The following NOTCH1 variants were observed in gnomAD, a reference collection of about 807,000 sequenced individuals.
NOTCH1 encodes the protein notch receptor 1.
In NOTCH1, 37 loss-of-function variants were observed where a neutral mutation model predicts 254.8. The ratio of observed to expected loss-of-function variants is 0.15; its 90% CI spans 0.11 to 0.19. The LOEUF (loss-of-function observed/expected upper bound fraction) is 0.19, where lower values mean the gene tolerates loss of function less well. Among genes scored for constraint, NOTCH1 ranks in the 10% least tolerant of loss-of-function variants. The probability of loss-of-function intolerance (pLI) is 1.00; values close to 1 mark genes in which losing one functional copy is unlikely to be tolerated. For missense variants in NOTCH1, 2,972 were observed against 3,708.6 expected (o/e 0.80, Z 5.16); for synonymous variants, 1,731 against 1,618.1 (o/e 1.07, Z -1.68).
At position 136,510,600 on chromosome 9, in the gene NOTCH1, G is replaced by A. The variant is rs1316669094; in HGVS notation, c.2740+53C>T. ...CCATGCGCACCAACCCTGCCCGGGGGAACTGAGGCCTGAGAGCTTCCTGGA... is the reference window on the plus strand; with the variant it reads ...CCATGCGCACCAACCCTGCCCGGGGAAACTGAGGCCTGAGAGCTTCCTGGA... On this transcript the variant is annotated intron_variant, in intron 17 of 33. Coordinates refer to ENST00000651671, the MANE Select transcript of NOTCH1 (RefSeq NM_017617.5). 1.4e-5 allele frequency: 22 copies of A among 1,574,474 alleles called. No homozygotes were observed. In the Admixed American group the frequency reaches 3.7e-4, roughly 27 times the overall value.
intron 2 of NOTCH1, among the ~76,000 whole-genome samples, chr9:136,528,887 T>C (rs1477606794): frequency 6.6e-6 from 1 of 152,122 alleles, no homozygotes; most frequent in Non-Finnish European, 1.5e-5. Context: ...AGGGAGCCCG[T>C]GGCCACGTCC....
chr9:136,503,317 G>C lies in NOTCH1; in HGVS notation c.5032C>G (p.Leu1678Val), dbSNP rs932485586. ...ACACACTGCCGGTTGTCAATCTCCA[G>C]GTAGACGATGGAGCTGGGCGGACAA... ...PMDVRGSIVYLEIDNRQCVQA... is the reference protein window; with the variant it reads ...PMDVRGSIVYVEIDNRQCVQA... The change falls in exon 27 of 34, where the codon CTG becomes GTG. Residue 1678 changes from leucine to valine, a missense_variant. Physicochemically the swap from Leu to Val is conservative, Grantham distance 32 (BLOSUM62 1). This residue lies in a region of NOTCH1 where 1,343 missense variants were observed against 1,557.0 expected (regional missense o/e 0.86). Coordinates refer to ENST00000651671, the MANE Select transcript of NOTCH1 (RefSeq NM_017617.5). 2 of 1,612,842 alleles carry C rather than the reference G, an allele frequency of 1.2e-6. No individual in the cohort carries two copies. The highest frequency in any genetic ancestry group is 2.2e-5 in the East Asian group (1 of 44,886).
chr9:136,501,940 G>A (rs1216814612), intron 29 of NOTCH1, 27 bp from the exon 30 acceptor site: 2 of 1,611,526 alleles, frequency 1.2e-6, no homozygotes, highest in Non-Finnish European at 1.7e-6. Flanking sequence ...AGCAGAGCCT[G>A]TCAGGGCAGC....
At chr9:136,521,151 G>A (rs547679648) in intron 4 of NOTCH1, among the ~76,000 whole-genome samples, 23 of 152,278 alleles carry the variant, frequency 1.5e-4, no homozygotes, top group African/African-American at 5.1e-4. Flanking sequence ...AGGGGCCGCC[G>A]GGGACAGTCT....
rs1017787746 is a variant in NOTCH1, at chr9:136,515,673, G to A, written c.1713C>T (p.Asp571=). ...THCEVDIDEC[D]PDPCHYGSCK... ...AGGAGCCGTAGTGGCAGGGGTCGGG[G>A]TCGCACTCATCGATGTCCACCTCGC... The change falls in exon 11 of 34, where the codon GAC becomes GAT. Residue 571 remains aspartate, a synonymous_variant. Coordinates refer to ENST00000651671, the MANE Select transcript of NOTCH1 (RefSeq NM_017617.5). 6 of 1,566,064 alleles carry A rather than the reference G, an allele frequency of 3.8e-6. No homozygotes were observed. Among genetic ancestry groups the A allele is most frequent in the Non-Finnish European group, 5.2e-6 (6 of 1,160,966 alleles).
intron 2 of NOTCH1, among the ~76,000 whole-genome samples, chr9:136,537,034 TGAGCAGGAC>T (rs1323879008): frequency 2.6e-5 from 4 of 152,204 alleles, no homozygotes; most frequent in African/African-American, 9.7e-5. Context: ...CTCGGAGTCC[TGAGCAGGAC>T]AGGGGCCGCG....
chr9:136,503,362 CG>C, intron 26 of NOTCH1, 32 bp from the exon 27 acceptor site: 1 of 1,612,004 alleles, frequency 6.2e-7, no homozygotes, highest in South Asian at 1.1e-5. Context: ...GGCTGGGACC[CG>C]AGGCTTCCTC....
Position 136,500,918 on chromosome 9 carries a change from G to A in NOTCH1, c.5639-71C>T, listed in dbSNP as rs970495515. The A allele has an allele frequency of 2.7e-6, 4 of 1,492,452 alleles. No homozygotes were observed. The Admixed American group carries it at 6.1e-5, about 23-fold the overall frequency. 92.5% of individuals were successfully genotyped at this position (1,492,452 alleles called of 1,614,324 possible). ...GCTGCAGCCCAGGGGGAGGGGGGCA[G>A]CAGCCCCAAGCTCAAGGGGCCACGG... On this transcript the variant is annotated intron_variant, in intron 30 of 33. Transcript: ENST00000651671.
intron 2 of NOTCH1, among the ~76,000 whole-genome samples, chr9:136,532,143 G>A (rs772828055): frequency 1.3e-5 from 2 of 152,180 alleles, no homozygotes; most frequent in Non-Finnish European, 2.9e-5. Context: ...CATAAGGAGG[G>A]GCACCTGGGG....
chr9:136,538,909 G>A (rs1005093981), intron 2 of NOTCH1, among the ~76,000 whole-genome samples: 39 of 152,256 alleles, frequency 2.6e-4, no homozygotes, highest in African/African-American at 8.4e-4. Context: ...ACTATTTATA[G>A]ACGAGACATG....
chr9:136,498,135 A>T (rs1842945441), intron 33 of NOTCH1, among the ~76,000 whole-genome samples: 1 of 151,478 alleles, frequency 6.6e-6, no homozygotes, highest in South Asian at 2.1e-4. Context: ...CGGACTGGGG[A>T]GCGCCTGGGC....
intron 15 of NOTCH1, among the ~76,000 whole-genome samples, chr9:136,512,423 T>TTAG (rs1843195876): frequency 6.6e-6 from 1 of 152,170 alleles, no homozygotes; most frequent in Non-Finnish European, 1.5e-5. Flanking sequence ...TTCTTTGTCT[T>TTAG]TTCTAGAGGA....
rs1362593643 is a variant in NOTCH1, at chr9:136,505,898, A to G, written c.4015-17T>C. 1 of 1,576,390 alleles carries G rather than the reference A, an allele frequency of 6.3e-7. No homozygotes were observed. The highest frequency in any genetic ancestry group is 1.3e-5 in the African/African-American group (1 of 74,608). On this transcript the variant is annotated splice_polypyrimidine_tract_variant and intron_variant, in intron 24 of 33. Coordinates refer to ENST00000651671, the MANE Select transcript of NOTCH1 (RefSeq NM_017617.5). The stretch of plus-strand genomic sequence containing the variant: ...CTCGAAGCCCTGCCCGAGAGGGAAG[A>G]CAGGACGGTGTCGGGGTGGGCCACC...
intron 2 of NOTCH1, among the ~76,000 whole-genome samples, chr9:136,535,231 G>T (rs1204741281): frequency 3.9e-5 from 6 of 151,920 alleles, no homozygotes; most frequent in South Asian, 2.1e-4. Context: ...GTGCAGCCAG[G>T]TGGGAGGGGC....
chr9:136,508,753 G>C (rs990654401), intron 19 of NOTCH1, 117 bp downstream of exon 19: 167 of 1,048,014 alleles, frequency 1.6e-4, no homozygotes, highest in Middle Eastern at 9.2e-4. Context: ...CTGCCCGGGG[G>C]TGTGGGGGTG....
intron 15 of NOTCH1, among the ~76,000 whole-genome samples, 180 bp from the exon 16 acceptor site, chr9:136,511,451 T>G (rs1395748124): frequency 6.7e-6 from 1 of 148,506 alleles, no homozygotes; most frequent in African/African-American, 2.5e-5. Context: ...CAGGGAGGAG[T>G]GGAGCACAGA....
chr9:136,522,351 G>C (rs1168090972), intron 4 of NOTCH1, among the ~76,000 whole-genome samples: 1 of 152,190 alleles, frequency 6.6e-6, no homozygotes, highest in Non-Finnish European at 1.5e-5. Context: ...AACTACAGCA[G>C]AGAGGCTCCT....
chr9:136,520,856 T>C (rs1029802764), intron 4 of NOTCH1, among the ~76,000 whole-genome samples: 2 of 152,094 alleles, frequency 1.3e-5, no homozygotes, highest in Admixed American at 6.5e-5. Flanking sequence ...AGGGCTGCCC[T>C]GCAAAGCACT....
Position 136,505,114 on chromosome 9 carries a change from G to A in NOTCH1, c.4587-10C>T, listed in dbSNP as rs1304952326. 1.2e-6 allele frequency: 2 copies of A among 1,606,018 alleles called. No individual in the cohort carries two copies. The highest frequency in any genetic ancestry group is 2.2e-5 in the East Asian group (1 of 44,846). The stretch of plus-strand genomic sequence containing the variant: ...CTGGTCGTACAGGGGGCTGTGGGGG[G>A]CGGGACACGCTCAGGCCGCCTTCCT... On this transcript the variant is annotated splice_polypyrimidine_tract_variant and intron_variant, in intron 25 of 33. Transcript: ENST00000651671.
Sources: allele counts gnomAD v4.1 joint callset (sites outside exome capture counted in the v4.1 genomes callset), GRCh38; gene constraint gnomAD v4.1.1; regional missense constraint gnomAD v4.1.1; transcripts MANE v1.5; gene names NCBI Gene and HGNC (gene_info 2026-07-23, HGNC 2026-07-21).